The following ZRANB3 variants were observed in gnomAD, a reference collection of about 807,000 sequenced individuals.
The protein encoded by ZRANB3 is DNA annealing helicase and endonuclease ZRANB3.
ZRANB3 carries 125 observed loss-of-function variants against 133.8 expected under a neutral mutation model. The ratio of observed to expected loss-of-function variants is 0.93; its 90% confidence interval spans 0.81 to 1.08. ZRANB3 has a LOEUF of 1.08. ZRANB3 is among the 50% of genes least tolerant of loss of function. The pLI is 0.00. For missense variants in ZRANB3, 1,229 were observed against 1,275.5 expected, an observed-to-expected ratio of 0.96 and a Z score of 0.56; for synonymous variants, 387 against 432.7, an observed-to-expected ratio of 0.89 and a Z score of 1.31.
At chr2:135,241,322 A>G (rs758436449) in intron 12 of ZRANB3, among the ~76,000 whole-genome samples, 1 of 147,812 alleles carries the variant, frequency 6.8e-6, no homozygotes, top group African/African-American at 2.5e-5. Context: ...TTAGTTTGGC[A>G]GTCATATTTT....
intron 2 of ZRANB3, among the ~76,000 whole-genome samples, chr2:135,480,982 T>C (rs1481681447): frequency 6.6e-6 from 1 of 151,176 alleles, no homozygotes; most frequent in African/African-American, 2.4e-5. Context: ...CCATGGTGTA[T>C]ATGTGCCACA....
At chr2:135,228,303 C>A in intron 13 of ZRANB3, 1 of 199,342 alleles carries the variant, frequency 5.0e-6, no homozygotes, top group Non-Finnish European at 9.9e-6. Context: ...GAGAACACAA[C>A]TAAGTTTTGT....
In ZRANB3 at chr2:135,408,701, C is replaced by G. The variant is rs1232012111; in HGVS notation, c.162-17881G>C. ...GGACATGGATGAAACTGGAAACCAT[C>G]ATTCTCAGCAAACTATCGCAAGGAC... On this transcript the variant is annotated intron_variant, in intron 2 of 20. Coordinates refer to ENST00000264159, the MANE Select transcript of ZRANB3 (RefSeq NM_032143.4). Among the ~76,000 whole-genome samples the G allele has an allele frequency of 2.0e-5, 3 of 152,062 alleles. No individual in the cohort carries two copies. The East Asian group carries it at 5.8e-4, about 29-fold the overall frequency.
At chr2:135,275,852 G>A (rs1409256743) in intron 8 of ZRANB3, 97 bp from the exon 9 acceptor site, 3 of 1,011,756 alleles carry the variant, frequency 3.0e-6, no homozygotes, top group African/African-American at 3.3e-5. Flanking sequence ...TTGAAAATCA[G>A]TAAATATGAA....
Position 135,274,916 on chromosome 2 carries a change from A to G in ZRANB3, c.1086+720T>C, listed in dbSNP as rs1680715318. Among the ~76,000 whole-genome samples the G allele has an allele frequency of 1.3e-5, 2 of 152,254 alleles. 1 individual carries two copies. Among genetic ancestry groups the G allele is most frequent in the South Asian group, 4.1e-4 (2 of 4,836 alleles). ...ATTTAACCCTGAGTGGACACAGCAC[A>G]TGTTTCAGAGAGCACGGGGTTGGGG... On this transcript the variant is annotated intron_variant, in intron 9 of 20. Coordinates refer to ENST00000264159, the MANE Select transcript of ZRANB3 (RefSeq NM_032143.4).
chr2:135,351,310 C>T (rs1685196989), intron 4 of ZRANB3, among the ~76,000 whole-genome samples: 1 of 148,484 alleles, frequency 6.7e-6, no homozygotes, highest in African/African-American at 2.5e-5. Context: ...CTCTGTTGCC[C>T]AGGCTGGAGT....
chr2:135,479,450 C>A (rs553940050), intron 2 of ZRANB3, among the ~76,000 whole-genome samples: 1 of 152,242 alleles, frequency 6.6e-6, no homozygotes, highest in East Asian at 1.9e-4. Context: ...GCCTGGCCAA[C>A]ATGGTGAAAC....
intron 5 of ZRANB3, among the ~76,000 whole-genome samples, chr2:135,347,809 G>A (rs1386999282): frequency 6.6e-6 from 1 of 152,150 alleles, no homozygotes; most frequent in East Asian, 1.9e-4. Context: ...AACATGAGTT[G>A]CAGCAAAAAT....
At chr2:135,236,812 T>C (rs1346507960) in intron 12 of ZRANB3, among the ~76,000 whole-genome samples, 2 of 152,146 alleles carry the variant, frequency 1.3e-5, no homozygotes, top group Non-Finnish European at 1.5e-5. Flanking sequence ...AGACTTACCA[T>C]GTTAGACCTA....
intron 2 of ZRANB3, among the ~76,000 whole-genome samples, chr2:135,391,649 C>A (rs112370379): frequency 6.6e-6 from 1 of 150,692 alleles, no homozygotes; most frequent in Non-Finnish European, 1.5e-5. Flanking sequence ...GTGCGATCTC[C>A]GCTCACTGCA....
chr2:135,401,204 G>A (rs1230063557), intron 2 of ZRANB3, among the ~76,000 whole-genome samples: 1 of 150,622 alleles, frequency 6.6e-6, no homozygotes, highest in Non-Finnish European at 1.5e-5. Flanking sequence ...ATACTCACGA[G>A]GGAACTGATT....
intron 8 of ZRANB3, among the ~76,000 whole-genome samples, chr2:135,304,882 T>C (rs1022033874): frequency 2.6e-5 from 4 of 152,134 alleles, no homozygotes; most frequent in Non-Finnish European, 5.9e-5. Flanking sequence ...GTCTTTTTAT[T>C]CTATTTTACT....
chr2:135,295,232 A>C (rs1395038101), intron 8 of ZRANB3, among the ~76,000 whole-genome samples: 6 of 152,104 alleles, frequency 3.9e-5, no homozygotes, highest in Admixed American at 1.3e-4. Flanking sequence ...GTAGGTCACT[A>C]AGGACTTGCT....
At chr2:135,504,162 A>C (rs1266298135) in intron 2 of ZRANB3, 167 bp downstream of exon 2, 1 of 755,278 alleles carries the variant, frequency 1.3e-6, no homozygotes, top group East Asian at 2.8e-5. Flanking sequence ...ATATATTTCA[A>C]CATGAAGTAT....
At chr2:135,394,817 A>C (rs1687401986) in intron 2 of ZRANB3, among the ~76,000 whole-genome samples, 1 of 152,030 alleles carries the variant, frequency 6.6e-6, no homozygotes, top group South Asian at 2.1e-4. Context: ...AGGAATGTCT[A>C]GTTATGTAAA....
At chr2:135,413,467 C>T (rs1359772707) in intron 2 of ZRANB3, among the ~76,000 whole-genome samples, 2 of 152,158 alleles carry the variant, frequency 1.3e-5, no homozygotes, top group Admixed American at 1.3e-4. Flanking sequence ...TTCCTTATAT[C>T]TGTTGTGAGT....
At chr2:135,278,503 A>G (rs1478415716) in intron 8 of ZRANB3, among the ~76,000 whole-genome samples, 1 of 152,192 alleles carries the variant, frequency 6.6e-6, no homozygotes, top group African/African-American at 2.4e-5. Context: ...GGAAAGAGGT[A>G]AAAATCTCCA....
At chr2:135,449,224 C>T (rs933847142) in intron 2 of ZRANB3, among the ~76,000 whole-genome samples, 1 of 152,146 alleles carries the variant, frequency 6.6e-6, no homozygotes, top group African/African-American at 2.4e-5. Flanking sequence ...CTAGGAAAGC[C>T]TCAAAGATGA....
rs930441755 is a variant in ZRANB3, at chr2:135,228,700, A to G, written c.1955-685T>C. ...AGAAAGAGACCAAAGATACAGCCCA[A>G]GTTTTTAGCATGATGTAGTAAAGAA... On this transcript the variant is annotated intron_variant, in intron 13 of 20. Coordinates refer to ENST00000264159, the MANE Select transcript of ZRANB3 (RefSeq NM_032143.4). Among the ~76,000 whole-genome samples the G allele has an allele frequency of 4.1e-4, 63 of 152,148 alleles. 1 individual carries two copies. The highest frequency in any genetic ancestry group is 1.4e-3 in the African/African-American group (59 of 41,444).
Sources: allele counts gnomAD v4.1 joint callset (sites outside exome capture counted in the v4.1 genomes callset), GRCh38; gene constraint gnomAD v4.1.1; transcripts MANE v1.5; gene names NCBI Gene and HGNC (gene_info 2026-07-23, HGNC 2026-07-21).